Variants in FAM169A observed in about 807,000 individuals in gnomAD.
The protein encoded by FAM169A is soluble lamin-associated protein of 75 kDa.
FAM169A carries 24 observed loss-of-function variants against 75.7 expected under a neutral mutation model. The ratio of observed to expected loss-of-function variants is 0.32; its 90% CI spans 0.23 to 0.45. The LOEUF (loss-of-function observed/expected upper bound fraction) is 0.45. Ranked by LOEUF, FAM169A falls within the 20% of genes least tolerant of loss-of-function variation. The pLI, the probability that FAM169A is intolerant of heterozygous loss-of-function variation, is 1.00. For missense variants in FAM169A, 673 were observed against 784.0 expected, an observed-to-expected ratio of 0.86 and a Z score of 1.69; for synonymous variants, 271 against 271.0, an observed-to-expected ratio of 1.00 and a Z score of 0.00.
At chr5:74,834,071 T>C (rs1282776234) in intron 5 of FAM169A, among the ~76,000 whole-genome samples, 1 of 152,118 alleles carries the variant, frequency 6.6e-6, no homozygotes, top group Non-Finnish European at 1.5e-5. Context: ...ACTGGGGTTT[T>C]AGAAGGAACC....
intron 10 of FAM169A, chr5:74,799,304 G>T: frequency 6.3e-7 from 1 of 1,586,942 alleles, no homozygotes; most frequent in Non-Finnish European, 8.7e-7. Context: ...TTTGTGAAGT[G>T]GTCCGCCCTA....
intron 5 of FAM169A, among the ~76,000 whole-genome samples, chr5:74,825,686 G>A (rs1747986580): frequency 6.6e-6 from 1 of 152,122 alleles, no homozygotes; most frequent in South Asian, 2.1e-4. Flanking sequence ...ACGGGGCACA[G>A]AACACACTGG....
intron 1 of FAM169A, among the ~76,000 whole-genome samples, chr5:74,844,871 A>C (rs529706153): frequency 6.6e-6 from 1 of 152,356 alleles, no homozygotes. Context: ...CTAAGCTATT[A>C]GTTCTTAAAG....
intron 1 of FAM169A, among the ~76,000 whole-genome samples, chr5:74,865,003 A>C (rs1750240382): frequency 6.6e-6 from 1 of 152,208 alleles, no homozygotes; most frequent in Non-Finnish European, 1.5e-5. Flanking sequence ...AAAAAATAAA[A>C]ACGCATGGCA....
At chr5:74,823,590 A>G (rs926791182) in intron 5 of FAM169A, among the ~76,000 whole-genome samples, 8 of 152,220 alleles carry the variant, frequency 5.3e-5, no homozygotes, top group Admixed American at 3.9e-4. Context: ...AACTGAACCC[A>G]TGACAAATCA....
intron 1 of FAM169A, among the ~76,000 whole-genome samples, chr5:74,854,647 C>T (rs771249705): frequency 1.3e-5 from 2 of 152,282 alleles, no homozygotes; most frequent in Non-Finnish European, 2.9e-5. Context: ...ACTCTACTCT[C>T]TATCTCCATG....
At chr5:74,790,921 T>C (rs1304135696) in intron 11 of FAM169A, among the ~76,000 whole-genome samples, 3 of 152,166 alleles carry the variant, frequency 2.0e-5, no homozygotes, top group Admixed American at 1.3e-4. Context: ...CTCACTGGAA[T>C]AGACACCTAC....
At chr5:74,807,022 A>G (rs964144380) in intron 6 of FAM169A, among the ~76,000 whole-genome samples, 1 of 152,252 alleles carries the variant, frequency 6.6e-6, no homozygotes, top group African/African-American at 2.4e-5. Flanking sequence ...TGGTGGGATA[A>G]TAATTTTGCA....
chr5:74,819,782 A>G (rs1028812109), intron 5 of FAM169A, among the ~76,000 whole-genome samples: 1 of 152,190 alleles, frequency 6.6e-6, no homozygotes, highest in Non-Finnish European at 1.5e-5. Flanking sequence ...ATGTTATGCT[A>G]AACAAAAGAC....
chr5:74,815,462 C>T (rs1747423525), intron 5 of FAM169A, among the ~76,000 whole-genome samples: 1 of 152,030 alleles, frequency 6.6e-6, no homozygotes, highest in South Asian at 2.1e-4. Flanking sequence ...AAAGTGCTAG[C>T]GTGAGCCACT....
At position 74,805,254 on chromosome 5, in the gene FAM169A, C is replaced by G. The variant is rs151276041; in HGVS notation, c.701G>C (p.Gly234Ala). Residue 234 changes from glycine to alanine, a missense_variant, in exon 7 of 13, where the codon GGA (glycine) becomes GCA (alanine). This residue lies in a region of FAM169A where 510 missense variants were observed against 550.9 expected (regional missense o/e 0.93). Coordinates refer to ENST00000687041, the MANE Select transcript of FAM169A (RefSeq NM_001376049.1). ...AACTTCCCAAAGGAGTTCATGGTCT[C>G]CTGGATACTTCTCAAAGTATTGCTT... is the stretch of plus-strand genomic sequence containing the variant. ...ACKQYFEKYP[G>A]DHELLWEVEG... 5 of 1,613,606 alleles carry G rather than the reference C, an allele frequency of 3.1e-6. No homozygotes were observed. In the East Asian group the frequency reaches 1.1e-4, roughly 36 times the overall value.
At chr5:74,855,263 C>T (rs1044668671) in intron 1 of FAM169A, among the ~76,000 whole-genome samples, 1 of 152,132 alleles carries the variant, frequency 6.6e-6, no homozygotes, top group Non-Finnish European at 1.5e-5. Context: ...TGGCACAATC[C>T]CAGCTCACTG....
intron 1 of FAM169A, among the ~76,000 whole-genome samples, chr5:74,842,839 C>T (rs1346543143): frequency 6.8e-6 from 1 of 147,054 alleles, no homozygotes; most frequent in African/African-American, 2.5e-5. Flanking sequence ...ATCAATTAGA[C>T]AAGAGAAAGC....
At chr5:74,837,634 G>A (rs893818940) in intron 4 of FAM169A, among the ~76,000 whole-genome samples, 1 of 151,964 alleles carries the variant, frequency 6.6e-6, no homozygotes, top group African/African-American at 2.4e-5. Flanking sequence ...TTGTTTTTCT[G>A]TGAATTGGAG....
At chr5:74,834,669 T>C in intron 4 of FAM169A, 72 bp from the exon 5 acceptor site, 1 of 1,238,300 alleles carries the variant, frequency 8.1e-7, no homozygotes, top group Non-Finnish European at 1.1e-6. Flanking sequence ...TTTACTTTGC[T>C]CCCTGCTCCC....
At chr5:74,849,108 T>C (rs1162625311) in intron 1 of FAM169A, among the ~76,000 whole-genome samples, 1 of 152,178 alleles carries the variant, frequency 6.6e-6, no homozygotes, top group Non-Finnish European at 1.5e-5. Context: ...ATTAAGCGAA[T>C]GGTATGCTCA....
intron 8 of FAM169A, among the ~76,000 whole-genome samples, chr5:74,801,851 G>A (rs886433753): frequency 1.3e-5 from 2 of 152,184 alleles, no homozygotes; most frequent in African/African-American, 4.8e-5. Flanking sequence ...GTCCACTAGT[G>A]TCTCCTAGTT....
At position 74,781,233 on chromosome 5, in the gene FAM169A, T is replaced by C; in HGVS notation, c.*227A>G. The stretch of plus-strand genomic sequence containing the variant: ...GATCTGGTTTCCCAAAATTGAAACA[T>C]GGTTAATAAAAATAAAAAATTGCAT... On this transcript the variant is annotated 3_prime_UTR_variant, in exon 13 of 13. Coordinates refer to ENST00000687041, the MANE Select transcript of FAM169A (RefSeq NM_001376049.1). 1 of 476,722 alleles carries C rather than the reference T, an allele frequency of 2.1e-6. No homozygotes were observed. 29.5% of individuals were successfully genotyped at this position (476,722 alleles called of 1,614,324 possible). A position where few individuals can be genotyped will look rare whatever the true frequency, so the allele number is the denominator to read the frequency against.
At chr5:74,791,327 G>A (rs1745964490) in intron 11 of FAM169A, among the ~76,000 whole-genome samples, 1 of 152,174 alleles carries the variant, frequency 6.6e-6, no homozygotes, top group African/African-American at 2.4e-5. Context: ...GGGTAAAAGT[G>A]GAAATGGCAT....
Sources: allele counts gnomAD v4.1 joint callset (sites outside exome capture counted in the v4.1 genomes callset), GRCh38; gene constraint gnomAD v4.1.1; regional missense constraint gnomAD v4.1.1; transcripts MANE v1.5; gene names NCBI Gene and HGNC (gene_info 2026-07-23, HGNC 2026-07-21).